The following PIGU variants were observed in gnomAD, a reference collection of about 807,000 sequenced individuals.
PIGU encodes the protein phosphatidylinositol glycan anchor biosynthesis class U.
Under a neutral mutation model 49.9 loss-of-function variants are expected in PIGU, and 24 were observed. The observed-to-expected ratio is 0.48, with a 90% CI of 0.35 to 0.68. PIGU has a LOEUF of 0.68. PIGU is among the 30% of genes least tolerant of loss of function. The pLI is 0.01. For missense variants in PIGU, 490 were observed against 532.6 expected, an observed-to-expected ratio of 0.92 and a Z score of 0.79; for synonymous variants, 220 against 205.7, an observed-to-expected ratio of 1.07 and a Z score of -0.59.
chr20:34,571,045 C>T (rs1205946263), intron 11 of PIGU, among the ~76,000 whole-genome samples: 1 of 152,214 alleles, frequency 6.6e-6, no homozygotes, highest in Non-Finnish European at 1.5e-5. Context: ...TCTCAACACC[C>T]TGGAAGCTGT....
intron 1 of PIGU, among the ~76,000 whole-genome samples, chr20:34,666,830 G>A (rs1274691348): frequency 6.6e-6 from 1 of 151,296 alleles, no homozygotes; most frequent in African/African-American, 2.4e-5. Flanking sequence ...CCGAGTAGCT[G>A]GGACTCCAGG....
chr20:34,608,575 TAC>T (rs1984700989), intron 7 of PIGU, among the ~76,000 whole-genome samples: 1 of 152,068 alleles, frequency 6.6e-6, no homozygotes. Flanking sequence ...TGCTCTTACA[TAC>T]TACATTAGAC....
At chr20:34,670,580 C>G (rs985296190) in intron 1 of PIGU, among the ~76,000 whole-genome samples, 5 of 152,122 alleles carry the variant, frequency 3.3e-5, no homozygotes, top group Non-Finnish European at 7.3e-5. Flanking sequence ...TGTTCTGTCG[C>G]CCAGGCTGGA....
At chr20:34,656,458 AT>A (rs1986705945) in intron 2 of PIGU, among the ~76,000 whole-genome samples, 1 of 141,548 alleles carries the variant, frequency 7.1e-6, no homozygotes, top group Admixed American at 7.5e-5. Context: ...AATCTTTTGT[AT>A]TTTCAGTAGA....
intron 6 of PIGU, among the ~76,000 whole-genome samples, chr20:34,625,997 G>A (rs1215474884): frequency 6.8e-6 from 1 of 147,984 alleles, no homozygotes; most frequent in East Asian, 2.0e-4. Flanking sequence ...ATTTTACATT[G>A]TTTAAAAAAA....
At chr20:34,608,110 T>C (rs972046952) in intron 7 of PIGU, among the ~76,000 whole-genome samples, 4 of 149,874 alleles carry the variant, frequency 2.7e-5, no homozygotes, top group Non-Finnish European at 5.9e-5. Flanking sequence ...AATCTTGCAC[T>C]GTGGCCCAGG....
At chr20:34,601,171 C>T (rs567891275) in intron 7 of PIGU, among the ~76,000 whole-genome samples, 2 of 152,082 alleles carry the variant, frequency 1.3e-5, no homozygotes, top group Non-Finnish European at 2.9e-5. Context: ...GTGTTTTATT[C>T]GACCTAAAGT....
intron 11 of PIGU, among the ~76,000 whole-genome samples, chr20:34,572,011 G>A (rs1486172370): frequency 6.6e-6 from 1 of 152,132 alleles, no homozygotes; most frequent in African/African-American, 2.4e-5. Flanking sequence ...AGGCCTGTAG[G>A]TTGGTGTGGC....
At chr20:34,605,155 C>T (rs1234986877) in intron 7 of PIGU, among the ~76,000 whole-genome samples, 1 of 152,106 alleles carries the variant, frequency 6.6e-6, no homozygotes, top group African/African-American at 2.4e-5. Context: ...CATTTTAAAC[C>T]TCTCTCTAAT....
At chr20:34,641,858 C>T (rs1230253914) in intron 4 of PIGU, among the ~76,000 whole-genome samples, 1 of 152,120 alleles carries the variant, frequency 6.6e-6, no homozygotes, top group Non-Finnish European at 1.5e-5. Context: ...ACAGAGCATA[C>T]ATAAAACTTC....
At chr20:34,566,364 G>A (rs73610856) in intron 11 of PIGU, among the ~76,000 whole-genome samples, 52 of 152,298 alleles carry the variant, frequency 3.4e-4, no homozygotes, top group Middle Eastern at 3.4e-3. Flanking sequence ...CCCTCTCAGC[G>A]CTGCCCCCAG....
Position 34,656,332 on chromosome 20 carries a change from G to C in PIGU, c.195+848C>G, listed in dbSNP as rs1407709867. The stretch of plus-strand genomic sequence containing the variant: ...GAGTCTCGCTCTGTCACCCAGGCTG[G>C]AGTGCAGTGGTGCGATCTCGGCTCA... On this transcript the variant is annotated intron_variant, in intron 2 of 11. Transcript: ENST00000217446. Among the ~76,000 whole-genome samples, 27 of 101,596 alleles carry C rather than the reference G, an allele frequency of 2.7e-4. 6 individuals carry two copies. Among genetic ancestry groups the C allele is most frequent in the Non-Finnish European group, 4.3e-4 (21 of 49,284 alleles). 66.7% of individuals were successfully genotyped at this position (101,596 alleles called of 152,430 possible). A position where few individuals can be genotyped will look rare whatever the true frequency, so the allele number is the denominator to read the frequency against.
chr20:34,636,723 G>A (rs1568651885), intron 5 of PIGU, among the ~76,000 whole-genome samples: 1 of 152,180 alleles, frequency 6.6e-6, no homozygotes, highest in East Asian at 1.9e-4. Flanking sequence ...CTGGTTATCA[G>A]ATAGGAAGAA....
intron 6 of PIGU, among the ~76,000 whole-genome samples, chr20:34,632,396 T>C (rs192320279): frequency 6.8e-6 from 1 of 148,064 alleles, no homozygotes; most frequent in African/African-American, 2.5e-5. Context: ...TGAGACGGAG[T>C]CTCACTCTGT....
At chr20:34,641,048 C>T (rs542415920) in intron 4 of PIGU, among the ~76,000 whole-genome samples, 1 of 152,066 alleles carries the variant, frequency 6.6e-6, no homozygotes, top group Admixed American at 6.5e-5. Context: ...CGCCCACCAC[C>T]GCGCCCGGCT....
intron 5 of PIGU, among the ~76,000 whole-genome samples, chr20:34,637,200 G>C (rs1353652803): frequency 6.6e-6 from 1 of 152,194 alleles, no homozygotes; most frequent in Non-Finnish European, 1.5e-5. Flanking sequence ...GAAGTTCTAA[G>C]GGCGTGTTTT....
intron 1 of PIGU, among the ~76,000 whole-genome samples, chr20:34,665,622 G>A (rs1423016412): frequency 6.6e-6 from 1 of 152,110 alleles, no homozygotes; most frequent in Non-Finnish European, 1.5e-5. Flanking sequence ...TTACAGGCGG[G>A]AGCCACCACG....
At chr20:34,563,147 G>A (rs557329111) in intron 11 of PIGU, among the ~76,000 whole-genome samples, 3 of 152,244 alleles carry the variant, frequency 2.0e-5, no homozygotes, top group South Asian at 2.1e-4. Context: ...ACGGAAAAAC[G>A]TACACATGGA....
intron 6 of PIGU, among the ~76,000 whole-genome samples, chr20:34,620,566 C>T (rs1600634872): frequency 1.3e-5 from 2 of 152,212 alleles, no homozygotes; most frequent in East Asian, 1.9e-4. Context: ...AATCCCAGCA[C>T]TTTGGGAGGC....
Sources: allele counts gnomAD v4.1 joint callset (sites outside exome capture counted in the v4.1 genomes callset), GRCh38; gene constraint gnomAD v4.1.1; transcripts MANE v1.5; gene names NCBI Gene and HGNC (gene_info 2026-07-23, HGNC 2026-07-21).